SLC39A10: variants seen among roughly 807,000 people sequenced by gnomAD.
SLC39A10 encodes solute carrier family 39 member 10.
SLC39A10 carries 13 observed loss-of-function variants against 65.1 expected under a neutral mutation model. The ratio of observed to expected loss-of-function variants is 0.20; its 90% confidence interval spans 0.13 to 0.32. The LOEUF is 0.32. Ranked by LOEUF, SLC39A10 falls within the 10% of genes least tolerant of loss-of-function variation. The probability of loss-of-function intolerance (pLI) is 1.00; values close to 1 mark genes in which losing one functional copy is unlikely to be tolerated. For missense variants in SLC39A10, 831 were observed against 1,018.4 expected, an observed-to-expected ratio of 0.82 and a Z score of 2.50; for synonymous variants, 321 against 342.2, an observed-to-expected ratio of 0.94 and a Z score of 0.68.
Position 195,734,944 on chromosome 2 carries a change from A to G in SLC39A10, c.2399A>G (p.Gln800Arg), listed in dbSNP as rs151032388. 5 of 1,612,888 alleles carry G rather than the reference A, an allele frequency of 3.1e-6. No homozygotes were observed. Among genetic ancestry groups the G allele is most frequent in the Non-Finnish European group, 4.2e-6 (5 of 1,179,540 alleles). The change falls in exon 10 of 10, where the codon CAA (glutamine) becomes CGA (arginine). Residue 800 changes from glutamine to arginine, a missense_variant. Gln to Arg is a conservative substitution (Grantham distance 43). Around this residue, in one of 4 missense-constraint regions of SLC39A10, gnomAD observed 120 missense variants for 203.9 expected, o/e 0.59. Transcript: ENST00000359634. ...NEEHGFCPVGQFILQNLGLLF... is the reference protein window; with the variant it reads ...NEEHGFCPVGRFILQNLGLLF... ...GAACATGGCTTTTGTCCTGTGGGGC[A>G]ATTCATCCTTCAGAATTTAGGATTG...
intron 1 of SLC39A10, among the ~76,000 whole-genome samples, chr2:195,662,259 C>T (rs1247585624): frequency 6.7e-6 from 1 of 149,978 alleles, no homozygotes. Flanking sequence ...GATATGTATC[C>T]TACTGTGGTG....
rs1692562608 is a variant in SLC39A10, at chr2:195,735,489, A to C, written c.*448A>C. 1 of 152,830 alleles carries C rather than the reference A, an allele frequency of 6.5e-6. No homozygotes were observed. Among genetic ancestry groups the C allele is most frequent in the Admixed American group, 6.5e-5 (1 of 15,290 alleles). The allele number at this position is 152,830 out of a possible 1,614,324, so 9.5% of individuals were successfully genotyped here. A position where few individuals can be genotyped will look rare whatever the true frequency, so the allele number is the denominator to read the frequency against. ...AGTGCTCTTTAATTCAGCTACATATATTCATGTGGTGATAGGGATCAACTT... is the reference window on the plus strand; with the variant it reads ...AGTGCTCTTTAATTCAGCTACATATCTTCATGTGGTGATAGGGATCAACTT... On this transcript the variant is annotated 3_prime_UTR_variant, in exon 10 of 10. Coordinates refer to ENST00000359634, the MANE Select transcript of SLC39A10 (RefSeq NM_020342.3).
rs764345635 is a variant in SLC39A10, at chr2:195,680,368, T to C, written c.326T>C (p.Val109Ala). 1 of 1,614,162 alleles carries C rather than the reference T, an allele frequency of 6.2e-7. No homozygotes were observed. Among genetic ancestry groups the C allele is most frequent in the Non-Finnish European group, 8.5e-7 (1 of 1,180,022 alleles). The change falls in exon 2 of 10, where the codon GTT becomes GCT. Residue 109 changes from valine (V) to alanine (A), a missense_variant. Transcript: ENST00000359634. ...INHEDLGHDH[V>A]SHLDILAVQE... Reference sequence around the variant, plus strand: ...CATGAGGATCTTGGCCACGATCATGTTTCTCATTTAGATATTTTGGCAGTT... The same window carrying C: ...CATGAGGATCTTGGCCACGATCATGCTTCTCATTTAGATATTTTGGCAGTT...
intron 9 of SLC39A10, among the ~76,000 whole-genome samples, chr2:195,730,288 T>C (rs1692393004): frequency 6.6e-6 from 1 of 152,164 alleles, no homozygotes; most frequent in Non-Finnish European, 1.5e-5. Context: ...TTGGTCATTC[T>C]CTTTTCTTTG....
intron 1 of SLC39A10, among the ~76,000 whole-genome samples, chr2:195,662,789 C>T (rs955529040): frequency 2.0e-5 from 3 of 152,128 alleles, no homozygotes; most frequent in Admixed American, 6.5e-5. Context: ...AATATCCCTG[C>T]TTCTGTAAAT....
At chr2:195,701,637 T>G (rs1400536330) in intron 3 of SLC39A10, among the ~76,000 whole-genome samples, 1 of 151,918 alleles carries the variant, frequency 6.6e-6, no homozygotes, top group East Asian at 1.9e-4. Flanking sequence ...GGTTATTGTT[T>G]TATGCTGTCT....
At position 195,675,581 on chromosome 2, in the gene SLC39A10, G is replaced by A. The variant is rs532861705; in HGVS notation, c.-11-4451G>A. Among the ~76,000 whole-genome samples, 18 of 152,210 alleles carry A rather than the reference G, an allele frequency of 1.2e-4. 1 individual carries two copies. Among genetic ancestry groups the A allele is most frequent in the Admixed American group, 2.6e-4 (4 of 15,292 alleles). On this transcript the variant is annotated intron_variant, in intron 1 of 9. Transcript: ENST00000359634. ...CGAGTAGCTCGTACTACAGGCGCCCGTCACCATGCCTGGCTAATTTTTTTG... is the reference window on the plus strand; with the variant it reads ...CGAGTAGCTCGTACTACAGGCGCCCATCACCATGCCTGGCTAATTTTTTTG...
At chr2:195,657,736 C>A in intron 1 of SLC39A10, 1 of 665,424 alleles carries the variant, frequency 1.5e-6, no homozygotes, top group Non-Finnish European at 1.9e-6. Context: ...CTTTGGGGAT[C>A]TGTAGGCAGG....
At chr2:195,706,247 T>G (rs1176046821) in intron 3 of SLC39A10, among the ~76,000 whole-genome samples, 3 of 152,024 alleles carry the variant, frequency 2.0e-5, no homozygotes, top group Non-Finnish European at 4.4e-5. Context: ...GTGAGTTTTA[T>G]AATTATATTC....
chr2:195,622,972 C>CAAAAA (rs11440347), intron 2 of SLC39A10, among the ~76,000 whole-genome samples: 1 of 96,856 alleles, frequency 1.0e-5, no homozygotes, highest in Non-Finnish European at 2.0e-5. Flanking sequence ...ACTCCTGTCT[C>CAAAAA]AAAAAAAAAA....
intron 2 of SLC39A10, among the ~76,000 whole-genome samples, chr2:195,639,721 C>T (rs993832988): frequency 2.0e-5 from 3 of 152,136 alleles, no homozygotes; most frequent in Non-Finnish European, 4.4e-5. Context: ...GGATTACAGG[C>T]GAGTGCCACC....
chr2:195,714,854 G>A (rs1454962200), intron 6 of SLC39A10, among the ~76,000 whole-genome samples: 1 of 152,088 alleles, frequency 6.6e-6, no homozygotes, highest in Non-Finnish European at 1.5e-5. Context: ...CTGGGTTCAT[G>A]CCATTCTCCT....
chr2:195,664,452 AC>A (rs1448201688), intron 1 of SLC39A10, among the ~76,000 whole-genome samples: 1 of 152,144 alleles, frequency 6.6e-6, no homozygotes. Context: ...AATTGCAGAA[AC>A]CTTAATAAGT....
intron 1 of SLC39A10, among the ~76,000 whole-genome samples, chr2:195,664,135 AATTCACTGTAAATATAATTTC>A (rs57513988): frequency 0.53 from 79,817 of 151,884 alleles, 21,521 homozygotes; most frequent in Non-Finnish European, 0.6. Context: ...AAGTTCTTTA[AATTCACTGTAAATATAATTTC>A]ATGGAATATA....
intron 3 of SLC39A10, among the ~76,000 whole-genome samples, chr2:195,697,031 A>C (rs1056028890): frequency 2.6e-5 from 4 of 152,166 alleles, no homozygotes; most frequent in Non-Finnish European, 4.4e-5. Flanking sequence ...AAAGGTCTTC[A>C]TTCTCATCAT....
intron 8 of SLC39A10, among the ~76,000 whole-genome samples, chr2:195,721,186 T>A (rs907702829): frequency 6.6e-6 from 1 of 152,110 alleles, no homozygotes; most frequent in South Asian, 2.1e-4. Context: ...GTGATCCACC[T>A]CCCTCAACCT....
intron 3 of SLC39A10, among the ~76,000 whole-genome samples, chr2:195,696,065 C>T (rs912261768): frequency 1.3e-5 from 2 of 152,102 alleles, no homozygotes; most frequent in Non-Finnish European, 2.9e-5. Flanking sequence ...ATTAAATGAT[C>T]TTGCACCCTT....
rs562691873 is a variant in SLC39A10 at position 195,734,781 on chromosome 2, T to A, written c.2338-102T>A. 35 of 1,141,436 alleles carry A rather than the reference T, an allele frequency of 3.1e-5. No homozygotes were observed. In the East Asian group the frequency reaches 8.7e-4, roughly 28 times the overall value. The allele number at this position is 1,141,436 out of a possible 1,614,324, so 70.7% of individuals were successfully genotyped here. ...AATAAAATAATTATTTTGTCTGTAGTTACACTTCAGTCACTAATTTTCTTA... is the reference window on the plus strand; with the variant it reads ...AATAAAATAATTATTTTGTCTGTAGATACACTTCAGTCACTAATTTTCTTA... On this transcript the variant is annotated intron_variant, in intron 9 of 9. Coordinates refer to ENST00000359634, the MANE Select transcript of SLC39A10 (RefSeq NM_020342.3).
In SLC39A10 at chr2:195,680,777, G is replaced by A. The variant is rs1472136228; in HGVS notation, c.735G>A (p.Glu245=). Residue 245 remains glutamate, a synonymous_variant, in exon 2 of 10, where the codon GAG becomes GAA. Coordinates refer to ENST00000359634, the MANE Select transcript of SLC39A10 (RefSeq NM_020342.3). ...KKGRKSNENS[E]VITPGFPPNH... ...GGAGGAAAAGTAATGAAAATTCTGAGGTTATTACACCAGGTTTTCCCCCTA... is the reference window on the plus strand; with the variant it reads ...GGAGGAAAAGTAATGAAAATTCTGAAGTTATTACACCAGGTTTTCCCCCTA... 1.5e-5 allele frequency: 24 copies of A among 1,613,960 alleles called. No individual in the cohort carries two copies. Among genetic ancestry groups the A allele is most frequent in the Non-Finnish European group, 1.9e-5 (23 of 1,179,996 alleles).
Sources: gnomAD v4.1 joint callset for allele counts (sites outside exome capture counted in the v4.1 genomes callset) on GRCh38, gnomAD v4.1.1 for gene constraint, gnomAD v4.1.1 regional missense constraint, MANE v1.5 for transcripts, NCBI Gene and HGNC (gene_info 2026-07-23, HGNC 2026-07-21) for gene names.